EPG5: variants seen among roughly 807,000 people sequenced by gnomAD.
EPG5 encodes the protein ectopic P-granules 5 autophagy tethering factor.
Under a neutral mutation model 302.7 loss-of-function variants are expected in EPG5, and 159 were observed. The observed-to-expected ratio is 0.53, with a 90% CI of 0.46 to 0.60. The LOEUF (loss-of-function observed/expected upper bound fraction) is 0.60. EPG5 is among the 20% of genes least tolerant of loss of function. The pLI, the probability that EPG5 is intolerant of heterozygous loss-of-function variation, is 0.00. For synonymous variants in EPG5, 1,158 were observed against 1,136.8 expected (o/e 1.02, Z -0.37); for missense variants, 2,896 against 3,092.4 (o/e 0.94, Z 1.51).
chr18:45,945,437 C>A (rs891097697), intron 7 of EPG5, among the ~76,000 whole-genome samples: 3 of 152,148 alleles, frequency 2.0e-5, no homozygotes, highest in Non-Finnish European at 2.9e-5. Context: ...GGTAATGGCA[C>A]TCCCAACTTT....
At chr18:45,884,087 T>G (rs951720127) in intron 30 of EPG5, among the ~76,000 whole-genome samples, 1 of 152,112 alleles carries the variant, frequency 6.6e-6, no homozygotes, top group Non-Finnish European at 1.5e-5. Context: ...AAACTACTAT[T>G]ATGAATATTT....
the EPG5 span, among the ~76,000 whole-genome samples, chr18:45,806,103 C>T: frequency 2.6e-5 from 4 of 152,102 alleles, no homozygotes; most frequent in Non-Finnish European, 4.4e-5. Context: ...ACTGTAAATC[C>T]ACTATACTTA....
intron 26 of EPG5, among the ~76,000 whole-genome samples, chr18:45,900,590 C>A (rs114413987): frequency 6.6e-6 from 1 of 152,096 alleles, no homozygotes; most frequent in Non-Finnish European, 1.5e-5. Context: ...CTTTTCCACA[C>A]TTCAATCAAT....
intron 23 of EPG5, 85 bp from the exon 24 acceptor site, chr18:45,908,166 C>G: frequency 9.1e-7 from 1 of 1,102,592 alleles, no homozygotes; most frequent in South Asian, 1.6e-5. Flanking sequence ...ACACTGGCAC[C>G]CCTACATAAG....
the EPG5 span, among the ~76,000 whole-genome samples, chr18:45,831,087 T>C: frequency 6.6e-6 from 1 of 152,166 alleles, no homozygotes; most frequent in East Asian, 1.9e-4. Context: ...GCATCAGAGC[T>C]AGGGCTGGAG....
intron 25 of EPG5, among the ~76,000 whole-genome samples, chr18:45,903,552 T>A (rs1335628975): frequency 6.6e-6 from 1 of 152,194 alleles, no homozygotes; most frequent in Non-Finnish European, 1.5e-5. Flanking sequence ...TGAAATATAG[T>A]CAGTAATTAA....
intron 1 of EPG5, among the ~76,000 whole-genome samples, chr18:45,957,591 C>CG: frequency 6.6e-6 from 1 of 152,294 alleles, no homozygotes; most frequent in East Asian, 1.9e-4. Context: ...AGGGACTCTT[C>CG]ATCGCTTACG....
In EPG5 at chr18:45,903,405, C is replaced by T. The variant is rs796782990; in HGVS notation, c.4474+568G>A. On this transcript the variant is annotated intron_variant, in intron 25 of 43. Transcript: ENST00000282041. Reference sequence around the variant, plus strand: ...TATTTGTCTCTCTTCATACAACTAACGCGTTTTGGTTAGTGGCAAGCTGGA... The same window carrying T: ...TATTTGTCTCTCTTCATACAACTAATGCGTTTTGGTTAGTGGCAAGCTGGA... Among the ~76,000 whole-genome samples the T allele has an allele frequency of 7.9e-5, 12 of 152,188 alleles. No homozygotes were observed. The South Asian group carries it at 1.0e-3, about 13-fold the overall frequency.
At position 45,860,158 on chromosome 18, in the gene EPG5, C is replaced by T. The variant is rs199635841; in HGVS notation, c.6955G>A (p.Val2319Ile). 35 of 1,614,154 alleles carry T rather than the reference C, an allele frequency of 2.2e-5. No homozygotes were observed. Among genetic ancestry groups the T allele is most frequent in the African/African-American group, 5.3e-5 (4 of 75,058 alleles). Residue 2319 changes from valine (V) to isoleucine (I), a missense_variant, in exon 40 of 44, where the codon GTC becomes ATC. Transcript: ENST00000282041. Reference protein sequence around the residue: ...LTAACQSLASVRHMAETTEAC... With the variant: ...LTAACQSLASIRHMAETTEAC... ...TCTGTAGTCTCAGCCATGTGGCGGACGGACGCCAGGCTCTGGCAGGCTGCT... is the reference window on the plus strand; with the variant it reads ...TCTGTAGTCTCAGCCATGTGGCGGATGGACGCCAGGCTCTGGCAGGCTGCT...
At chr18:45,899,743 G>T (rs2049562833) in intron 26 of EPG5, among the ~76,000 whole-genome samples, 177 bp from the exon 27 acceptor site, 1 of 152,078 alleles carries the variant, frequency 6.6e-6, no homozygotes, top group Non-Finnish European at 1.5e-5. Flanking sequence ...CCAGCAGAGA[G>T]GCTAAAGAGA....
At chr18:45,831,150 T>G in the EPG5 span, among the ~76,000 whole-genome samples, 1 of 152,176 alleles carries the variant, frequency 6.6e-6, no homozygotes, top group Non-Finnish European at 1.5e-5. Context: ...CAAAGCAGAA[T>G]GCCTCTTGCG....
chr18:45,911,966 C>T (rs780198482), intron 22 of EPG5, among the ~76,000 whole-genome samples: 5 of 152,166 alleles, frequency 3.3e-5, no homozygotes, highest in Non-Finnish European at 7.3e-5. Flanking sequence ...AGCCCCATGA[C>T]GGTCACACAG....
intron 39 of EPG5, among the ~76,000 whole-genome samples, chr18:45,864,361 A>G (rs984734175): frequency 6.6e-6 from 1 of 152,172 alleles, no homozygotes; most frequent in African/African-American, 2.4e-5. Flanking sequence ...GAACTTATCC[A>G]TTAACTTTAT....
chr18:45,828,999 G>A, the EPG5 span: 1 of 752,752 alleles, frequency 1.3e-6, no homozygotes, highest in Non-Finnish European at 1.6e-6. Context: ...TGCTTGAACT[G>A]AGGAAGTCCT....
intron 14 of EPG5, among the ~76,000 whole-genome samples, chr18:45,924,358 C>T (rs757532434): frequency 3.3e-5 from 5 of 152,182 alleles, no homozygotes; most frequent in African/African-American, 4.8e-5. Context: ...CTCTTGCCTA[C>T]GAGCATGTCA....
intron 11 of EPG5, 62 bp from the exon 12 acceptor site, chr18:45,930,892 T>C: frequency 5.7e-6 from 8 of 1,391,628 alleles, no homozygotes; most frequent in Non-Finnish European, 7.7e-6. Context: ...TTTTAATCAC[T>C]CTTCCAGAGA....
chr18:45,904,757 C>T (rs2145616640), intron 24 of EPG5, among the ~76,000 whole-genome samples: 2 of 152,200 alleles, frequency 1.3e-5, no homozygotes, highest in Middle Eastern at 3.4e-3. Context: ...ACTTTTATGA[C>T]ATTTATGAGA....
chr18:45,859,425 G>A (rs780811687), intron 40 of EPG5, among the ~76,000 whole-genome samples: 24 of 152,188 alleles, frequency 1.6e-4, no homozygotes, highest in Non-Finnish European at 2.9e-5. Context: ...ATGGCAGGTT[G>A]TGGGCACTTC....
intron 30 of EPG5, among the ~76,000 whole-genome samples, chr18:45,884,276 G>A (rs2049169189): frequency 1.3e-5 from 2 of 152,270 alleles, no homozygotes; most frequent in Middle Eastern, 3.4e-3. Context: ...GAAGGATATA[G>A]GTTGCATGCT....
Sources: allele counts gnomAD v4.1 joint callset (sites outside exome capture counted in the v4.1 genomes callset), GRCh38; gene constraint gnomAD v4.1.1; transcripts MANE v1.5; gene names NCBI Gene and HGNC (gene_info 2026-07-23, HGNC 2026-07-21).